The following PLA2G4E variants were observed in gnomAD, a reference collection of about 807,000 sequenced individuals.
PLA2G4E encodes the protein phospholipase A2 group IVE.
Under a neutral mutation model 109.1 loss-of-function variants are expected in PLA2G4E, and 84 were observed. That is an observed-to-expected ratio of 0.77 (90% confidence interval 0.65 to 0.92). The LOEUF is 0.92. Among genes scored for constraint, PLA2G4E ranks in the 40% least tolerant of loss-of-function variants. PLA2G4E has a pLI of 0.00. For synonymous variants in PLA2G4E, 469 were observed against 436.1 expected, an observed-to-expected ratio of 1.08 and a Z score of -0.94; for missense variants, 1,057 against 1,076.6, an observed-to-expected ratio of 0.98 and a Z score of 0.25.
At chr15:42,032,703 G>A (rs780356188) in intron 1 of PLA2G4E, among the ~76,000 whole-genome samples, 7 of 152,238 alleles carry the variant, frequency 4.6e-5, no homozygotes, top group Non-Finnish European at 7.3e-5. Context: ...CTTGTTCCTT[G>A]CTGCCTGGTG....
intron 3 of PLA2G4E, 43 bp from the exon 4 acceptor site, chr15:42,006,164 A>ATTG: frequency 6.2e-7 from 1 of 1,609,334 alleles, no homozygotes. Context: ...CCACGGTTGC[A>ATTG]TTGACCCCTT....
chr15:41,995,428 C>A, exon 12 of PLA2G4E: 2 of 1,613,998 alleles, frequency 1.2e-6, no homozygotes, highest in Admixed American at 3.3e-5. Context: ...GCAGCCCCAG[C>A]AGGTGGCCAT....
intron 2 of PLA2G4E, chr15:42,010,397 C>T: frequency 4.2e-6 from 1 of 237,296 alleles, no homozygotes; most frequent in Non-Finnish European, 8.6e-6. Flanking sequence ...AAGAAATATT[C>T]CTGGCAGAGA....
exon 19 of PLA2G4E, chr15:41,984,548 C>A: frequency 6.2e-7 from 1 of 1,613,946 alleles, no homozygotes; most frequent in Non-Finnish European, 8.5e-7. Flanking sequence ...GATTTTCATT[C>A]TCATCTGGCA....
chr15:42,028,704 G>C (rs1382173768), intron 1 of PLA2G4E, among the ~76,000 whole-genome samples: 1 of 152,122 alleles, frequency 6.6e-6, no homozygotes, highest in Non-Finnish European at 1.5e-5. Flanking sequence ...ACCGTGCCCA[G>C]CCTGTACTCT....
chr15:41,990,055 G>A (rs1439636083), intron 14 of PLA2G4E, 66 bp downstream of exon 14: 6 of 1,252,406 alleles, frequency 4.8e-6, no homozygotes, highest in African/African-American at 1.5e-5. Flanking sequence ...GAGGTGCTGG[G>A]TGCTTTTGCC....
At chr15:41,988,089 C>A in exon 16 of PLA2G4E, 1 of 1,608,180 alleles carries the variant, frequency 6.2e-7, no homozygotes, top group Admixed American at 1.7e-5. Context: ...TGTGGAAAAA[C>A]TCCTCCGAGG....
intron 13 of PLA2G4E, among the ~76,000 whole-genome samples, chr15:41,991,799 T>C (rs185693817): frequency 1.8e-4 from 27 of 152,262 alleles, no homozygotes; most frequent in African/African-American, 4.3e-4. Flanking sequence ...CCGGACACCT[T>C]TGGAGTGGAG....
At chr15:42,022,664 C>T (rs1403135156) in intron 1 of PLA2G4E, among the ~76,000 whole-genome samples, 2 of 152,090 alleles carry the variant, frequency 1.3e-5, no homozygotes, top group African/African-American at 4.8e-5. Flanking sequence ...GCTGATCTGA[C>T]AGGAGGTGGG....
At chr15:42,050,676 G>A (rs1889491235) in exon 1 of PLA2G4E, 2 of 1,550,408 alleles carry the variant, frequency 1.3e-6, no homozygotes, top group African/African-American at 1.4e-5. Flanking sequence ...CCCAGGCCAG[G>A]ACAGCCTTCC....
At chr15:41,985,910 G>T (rs773125869) in exon 18 of PLA2G4E, 1 of 1,609,372 alleles carries the variant, frequency 6.2e-7, no homozygotes, top group South Asian at 1.1e-5. Context: ...CTGAGGAGGG[G>T]CGGGTAGCTG....
intron 1 of PLA2G4E, among the ~76,000 whole-genome samples, chr15:42,020,511 C>A (rs2141064715): frequency 6.6e-6 from 1 of 152,338 alleles, no homozygotes; most frequent in Admixed American, 6.5e-5. Flanking sequence ...TTGACAATGC[C>A]ACCAATTCTC....
intron 1 of PLA2G4E, among the ~76,000 whole-genome samples, chr15:42,042,321 AG>A (rs1182843308): frequency 4.6e-5 from 7 of 152,248 alleles, no homozygotes; most frequent in African/African-American, 1.4e-4. Context: ...AAAGACTGGA[AG>A]GAAGTATATT....
At chr15:41,989,497 G>T (rs369770170) in exon 15 of PLA2G4E, 1 of 1,613,840 alleles carries the variant, frequency 6.2e-7, no homozygotes, top group African/African-American at 1.3e-5. Context: ...GCTCGGAGGG[G>T]ATGAAGGCCC....
intron 1 of PLA2G4E, among the ~76,000 whole-genome samples, chr15:42,046,985 C>T: frequency 6.6e-6 from 1 of 152,146 alleles, no homozygotes. Flanking sequence ...AAGGCCTGAT[C>T]CATAGGGGTG....
chr15:42,020,715 G>T (rs748320968), intron 1 of PLA2G4E, among the ~76,000 whole-genome samples: 16 of 152,076 alleles, frequency 1.1e-4, no homozygotes, highest in East Asian at 3.9e-4. Flanking sequence ...TCTCAGCAGG[G>T]CCACCCAAGC....
At chr15:41,999,631 G>C (rs2068392241) in intron 9 of PLA2G4E, 70 bp from the exon 10 acceptor site, 1 of 1,570,454 alleles carries the variant, frequency 6.4e-7, no homozygotes, top group African/African-American at 1.4e-5. Flanking sequence ...GATCCACACT[G>C]TCCACCCAGA....
chr15:41,993,724 G>A (rs927227729), intron 12 of PLA2G4E, among the ~76,000 whole-genome samples: 1 of 152,018 alleles, frequency 6.6e-6, no homozygotes, highest in Non-Finnish European at 1.5e-5. Flanking sequence ...GCTAGTCTGC[G>A]GCTGCACATT....
At chr15:41,989,524 C>T in exon 15 of PLA2G4E, 2 of 1,613,818 alleles carry the variant, frequency 1.2e-6, no homozygotes, top group East Asian at 2.2e-5. Context: ...TCTGCAGGCC[C>T]ACCTCGTAGG....
Sources: allele counts gnomAD v4.1 joint callset (sites outside exome capture counted in the v4.1 genomes callset), GRCh38; gene constraint gnomAD v4.1.1; transcripts MANE v1.5; gene names NCBI Gene and HGNC (gene_info 2026-07-23, HGNC 2026-07-21).